ARHGAP44: variants seen among roughly 807,000 people sequenced by gnomAD.
ARHGAP44 encodes the protein Rho GTPase activating protein 44, also known as rho GTPase-activating protein 44.
Under a neutral mutation model 106.8 loss-of-function variants are expected in ARHGAP44, and 43 were observed. The observed-to-expected ratio is 0.40, with a 90% confidence interval of 0.32 to 0.52. ARHGAP44 has a LOEUF of 0.52. Among genes scored for constraint, ARHGAP44 ranks in the 20% least tolerant of loss-of-function variants. ARHGAP44 has a pLI of 0.48. For synonymous variants in ARHGAP44, 439 were observed against 410.3 expected, an observed-to-expected ratio of 1.07 and a Z score of -0.85; for missense variants, 866 against 1,050.5, an observed-to-expected ratio of 0.82 and a Z score of 2.43.
rs1354528587 is a variant in ARHGAP44, at chr17:12,809,151, G to A, written c.53+19260G>A. 2.0e-5 allele frequency among the ~76,000 whole-genome samples: 3 copies of A among 152,118 alleles called. No individual in the cohort carries two copies. In the East Asian group the frequency reaches 5.8e-4, roughly 29 times the overall value. On this transcript the variant is annotated intron_variant, in intron 1 of 20. Transcript: ENST00000379672. ...TCTCCATCTGAGATGAACAGCATTT[G>A]GTCAAAGCCATTCAACAAGTCTCTA... is the stretch of plus-strand genomic sequence containing the variant.
chr17:12,926,289 C>G (rs773576851), intron 6 of ARHGAP44, among the ~76,000 whole-genome samples: 6 of 151,270 alleles, frequency 4.0e-5, no homozygotes, highest in Non-Finnish European at 8.8e-5. Context: ...CGCTTGAACC[C>G]AGGAGGTGGA....
chr17:12,852,272 T>C (rs867830616), intron 1 of ARHGAP44, among the ~76,000 whole-genome samples: 1 of 133,000 alleles, frequency 7.5e-6, no homozygotes, highest in South Asian at 2.8e-4. Context: ...TCTTCACTTT[T>C]GAAGCTTTTT....
At chr17:12,968,187 GT>G in intron 16 of ARHGAP44, among the ~76,000 whole-genome samples, 1 of 152,236 alleles carries the variant, frequency 6.6e-6, no homozygotes, top group Non-Finnish European at 1.5e-5. Context: ...CTGATGAGGC[GT>G]CCCGATCCAG....
At chr17:12,796,896 C>T (rs913573387) in intron 1 of ARHGAP44, among the ~76,000 whole-genome samples, 4 of 152,006 alleles carry the variant, frequency 2.6e-5, no homozygotes, top group Non-Finnish European at 4.4e-5. Flanking sequence ...TAAGCCACTG[C>T]GCCTGGCCTT....
At chr17:12,903,140 A>AGAGAGTGTGTGTGT (rs1403029479) in intron 3 of ARHGAP44, among the ~76,000 whole-genome samples, 1 of 57,574 alleles carries the variant, frequency 1.7e-5, no homozygotes, top group African/African-American at 6.3e-5. Context: ...AGAGAGAGAG[A>AGAGAGTGTGTGTGT]GTGTGTGTGT....
At chr17:12,987,218 C>G in intron 20 of ARHGAP44, 1 of 1,392,514 alleles carries the variant, frequency 7.2e-7, no homozygotes, top group South Asian at 1.3e-5. Context: ...CGCTCCTCCC[C>G]TCCGCTCCTC....
At chr17:12,811,913 C>T (rs2034452058) in intron 1 of ARHGAP44, among the ~76,000 whole-genome samples, 1 of 152,190 alleles carries the variant, frequency 6.6e-6, no homozygotes, top group Admixed American at 6.5e-5. Flanking sequence ...CCTACTTCCA[C>T]TACAACCTTC....
At chr17:12,881,513 CCTTCCTTCTGTTT>C (rs2036737630) in intron 1 of ARHGAP44, among the ~76,000 whole-genome samples, 1 of 151,866 alleles carries the variant, frequency 6.6e-6, no homozygotes, top group African/African-American at 2.4e-5. Flanking sequence ...CTGAACATAC[CCTTCCTTCTGTTT>C]CAGTGACCGA....
intron 1 of ARHGAP44, among the ~76,000 whole-genome samples, chr17:12,883,337 T>C (rs9903335): frequency 0.71 from 107,600 of 151,164 alleles, 38,851 homozygotes; most frequent in East Asian, 0.98. Flanking sequence ...TTAGTTTTTT[T>C]CAAAGAATTA....
At chr17:12,959,172 T>TCA (rs1367907082) in intron 16 of ARHGAP44, 1 of 406,832 alleles carries the variant, frequency 2.5e-6, no homozygotes, top group Non-Finnish European at 4.5e-6. Flanking sequence ...AGTCACTGAG[T>TCA]GCAATTAAAA....
chr17:12,866,035 T>G (rs1278716105), intron 1 of ARHGAP44, among the ~76,000 whole-genome samples: 1 of 151,824 alleles, frequency 6.6e-6, no homozygotes, highest in Admixed American at 6.6e-5. Flanking sequence ...TCAACCAAAC[T>G]CAAGAGTGGG....
In ARHGAP44 at chr17:12,974,202, T is replaced by G; in HGVS notation, c.1655T>G (p.Leu552Arg). The G allele has an allele frequency of 6.5e-7, 1 of 1,548,276 alleles. No individual in the cohort carries two copies. Among genetic ancestry groups the G allele is most frequent in the South Asian group, 1.2e-5 (1 of 83,942 alleles). The change falls in exon 18 of 21, where the codon CTG (leucine) becomes CGG (arginine). Residue 552 changes from leucine to arginine, a missense_variant. Leu to Arg is a moderately radical substitution (Grantham distance 102, BLOSUM62 -2). Around this residue, in one of 2 missense-constraint regions of ARHGAP44, gnomAD observed 418 missense variants for 403.6 expected, o/e 1.04. Transcript: ENST00000379672. ...SMQPPAPPAE[L>R]AAPLPSPLPE... ...CAGCCTCCCGCCCCGCCCGCCGAGCTGGCTGCGCCCCTGCCTTCGCCGCTG... is the reference window on the plus strand; with the variant it reads ...CAGCCTCCCGCCCCGCCCGCCGAGCGGGCTGCGCCCCTGCCTTCGCCGCTG...
At chr17:12,802,529 T>C (rs1468456373) in intron 1 of ARHGAP44, among the ~76,000 whole-genome samples, 1 of 152,066 alleles carries the variant, frequency 6.6e-6, no homozygotes, top group Non-Finnish European at 1.5e-5. Context: ...ATTCTTTCGA[T>C]TGACAGTCTA....
chr17:12,800,190 G>A (rs534480669), intron 1 of ARHGAP44, among the ~76,000 whole-genome samples: 12 of 152,160 alleles, frequency 7.9e-5, no homozygotes, highest in Admixed American at 1.3e-4. Flanking sequence ...TATATTCCTC[G>A]TTACCTGAAA....
intron 4 of ARHGAP44, among the ~76,000 whole-genome samples, chr17:12,910,446 C>CT (rs3076662): frequency 0.28 from 26,142 of 92,446 alleles, 4,915 homozygotes; most frequent in Middle Eastern, 0.37. Context: ...CTTATGTAGC[C>CT]TTTTTTTTTT....
chr17:12,926,446 CATAATAT>C (rs1278915912), intron 6 of ARHGAP44, among the ~76,000 whole-genome samples: 4 of 118,892 alleles, frequency 3.4e-5, no homozygotes, highest in Non-Finnish European at 3.6e-5. Context: ...TATGTATATA[CATAATAT>C]ATATACATAT....
At chr17:12,978,141 C>T (rs1294766320) in intron 18 of ARHGAP44, among the ~76,000 whole-genome samples, 1 of 150,812 alleles carries the variant, frequency 6.6e-6, no homozygotes. Context: ...GAAGAAGAGT[C>T]TACCCACCCA....
At chr17:12,824,798 T>C (rs1325440652) in intron 1 of ARHGAP44, among the ~76,000 whole-genome samples, 1 of 151,736 alleles carries the variant, frequency 6.6e-6, no homozygotes, top group Non-Finnish European at 1.5e-5. Context: ...TCCTTTTGCT[T>C]CTGCACTTCT....
Position 12,809,090 on chromosome 17 carries a change from G to T in ARHGAP44, c.53+19199G>T, listed in dbSNP as rs570402553. On this transcript the variant is annotated intron_variant, in intron 1 of 20. Transcript: ENST00000379672. ...GAGTCTCTTTGCTAAAACACAGCACGAGTCACCTTTATTCCAGTTCCCAAC... is the reference window on the plus strand; with the variant it reads ...GAGTCTCTTTGCTAAAACACAGCACTAGTCACCTTTATTCCAGTTCCCAAC... Among the ~76,000 whole-genome samples, 8 of 152,288 alleles carry T rather than the reference G, an allele frequency of 5.3e-5. No homozygotes were observed. In the South Asian group the frequency reaches 1.5e-3, roughly 28 times the overall value.
Sources: gnomAD v4.1 joint callset for allele counts (sites outside exome capture counted in the v4.1 genomes callset) on GRCh38, gnomAD v4.1.1 for gene constraint, gnomAD v4.1.1 regional missense constraint, MANE v1.5 for transcripts, NCBI Gene and HGNC (gene_info 2026-07-23, HGNC 2026-07-21) for gene names.